ZNF407: variants seen among roughly 807,000 people sequenced by gnomAD.
ZNF407 encodes zinc finger protein 407.
ZNF407 carries 17 observed loss-of-function variants against 131.2 expected under a neutral mutation model. The ratio of observed to expected loss-of-function variants is 0.13; its 90% confidence interval spans 0.09 to 0.19. ZNF407 has a LOEUF of 0.19. Among genes scored for constraint, ZNF407 ranks in the 10% least tolerant of loss-of-function variants. ZNF407 has a pLI of 1.00. For missense variants in ZNF407, 2,681 were observed against 2,830.6 expected (o/e 0.95, Z 1.20); for synonymous variants, 1,156 against 1,062.0 (o/e 1.09, Z -1.72).
chr18:74,776,521 CTG>C (rs1466186008), intron 3 of ZNF407, among the ~76,000 whole-genome samples: 3 of 152,202 alleles, frequency 2.0e-5, no homozygotes, highest in African/African-American at 7.2e-5. Context: ...ACACACATGA[CTG>C]AGAAGTCTAC....
At chr18:74,875,828 A>G (rs912631442) in intron 4 of ZNF407, among the ~76,000 whole-genome samples, 14 of 152,200 alleles carry the variant, frequency 9.2e-5, no homozygotes, top group African/African-American at 3.4e-4. Flanking sequence ...ATATTAATGA[A>G]GCATTTAACT....
chr18:74,918,327 T>TCACCAGC (rs1449960521), intron 7 of ZNF407, among the ~76,000 whole-genome samples: 1 of 152,210 alleles, frequency 6.6e-6, no homozygotes, highest in African/African-American at 2.4e-5. Flanking sequence ...CCTTAACCAC[T>TCACCAGC]CACCAGCCAT....
At chr18:74,943,589 A>G (rs1972123867) in intron 8 of ZNF407, among the ~76,000 whole-genome samples, 1 of 152,230 alleles carries the variant, frequency 6.6e-6, no homozygotes, top group African/African-American at 2.4e-5. Flanking sequence ...TTGAATTTAC[A>G]TTATTAGTTG....
chr18:74,718,460 G>A (rs1188613457), intron 3 of ZNF407, among the ~76,000 whole-genome samples: 1 of 151,942 alleles, frequency 6.6e-6, no homozygotes, highest in Non-Finnish European at 1.5e-5. Flanking sequence ...GGAGTTCAAG[G>A]TTGCAGTGAG....
At chr18:74,669,114 G>A (rs556525625) in intron 3 of ZNF407, among the ~76,000 whole-genome samples, 82 of 152,166 alleles carry the variant, frequency 5.4e-4, no homozygotes, top group Middle Eastern at 3.4e-3. Context: ...GGTGGTTGGC[G>A]TCCTCATCCA....
rs486170 is a variant in ZNF407, at chr18:74,672,335, G to T, written c.4802+31213G>T. Among the ~76,000 whole-genome samples, 614 of 152,250 alleles carry T rather than the reference G, an allele frequency of 4.0e-3. 5 individuals are homozygous for T. Among genetic ancestry groups the T allele is most frequent in the African/African-American group, 0.014 (589 of 41,548 alleles). Reference sequence around the variant, plus strand: ...GAGCTTTTTTTTAACATGCTTGTTGGCTGCATGTACGTCTTCTCTTGAAAT... The same window carrying T: ...GAGCTTTTTTTTAACATGCTTGTTGTCTGCATGTACGTCTTCTCTTGAAAT... On this transcript the variant is annotated intron_variant, in intron 3 of 8. Transcript: ENST00000299687.
chr18:75,047,420 G>T (rs1256282313), intron 8 of ZNF407, among the ~76,000 whole-genome samples: 1 of 152,216 alleles, frequency 6.6e-6, no homozygotes, highest in Non-Finnish European at 1.5e-5. Flanking sequence ...TCTGCCTTCT[G>T]CCCTTCTGCG....
intron 4 of ZNF407, among the ~76,000 whole-genome samples, chr18:74,856,583 C>T (rs1177261156): frequency 6.6e-6 from 1 of 152,120 alleles, no homozygotes; most frequent in African/African-American, 2.4e-5. Flanking sequence ...GTTTTCTGTC[C>T]TCTGTAGCTG....
chr18:74,967,970 T>G (rs1211825622), intron 8 of ZNF407, among the ~76,000 whole-genome samples: 4 of 152,198 alleles, frequency 2.6e-5, no homozygotes, highest in Non-Finnish European at 5.9e-5. Context: ...TTCAATTGTC[T>G]ATGTTTTTTT....
At chr18:74,950,473 C>G (rs551828352) in intron 8 of ZNF407, among the ~76,000 whole-genome samples, 13 of 152,228 alleles carry the variant, frequency 8.5e-5, no homozygotes, top group African/African-American at 2.6e-4. Flanking sequence ...TTAGAAGTCT[C>G]ATTTATCAAG....
intron 4 of ZNF407, 67 bp from the exon 5 acceptor site, chr18:74,877,130 G>A (rs751520030): frequency 3.5e-5 from 51 of 1,471,836 alleles, no homozygotes; most frequent in Non-Finnish European, 4.6e-5. Context: ...TCGCACACGC[G>A]CTGCCTGGGG....
At chr18:74,621,802 C>G (rs1170025868) in intron 1 of ZNF407, among the ~76,000 whole-genome samples, 1 of 152,212 alleles carries the variant, frequency 6.6e-6, no homozygotes, top group East Asian at 1.9e-4. Context: ...CCACCGAAGG[C>G]ATTTTCCTGG....
At chr18:74,815,682 G>A (rs1229364142) in intron 4 of ZNF407, among the ~76,000 whole-genome samples, 1 of 152,098 alleles carries the variant, frequency 6.6e-6, no homozygotes, top group East Asian at 1.9e-4. Context: ...TAACTTGCCT[G>A]AGTTCAAAAA....
At chr18:75,042,924 C>T (rs1320318731) in intron 8 of ZNF407, among the ~76,000 whole-genome samples, 1 of 152,156 alleles carries the variant, frequency 6.6e-6, no homozygotes, top group Non-Finnish European at 1.5e-5. Context: ...ATGCGTGTAC[C>T]AGTATGTTTG....
chr18:74,713,215 G>T (rs1179019196), intron 3 of ZNF407, among the ~76,000 whole-genome samples: 1 of 152,024 alleles, frequency 6.6e-6, no homozygotes, highest in Non-Finnish European at 1.5e-5. Flanking sequence ...CACACCAGGG[G>T]TTTGGAATAA....
chr18:74,817,558 T>C lies in ZNF407; in HGVS notation c.4877+36056T>C, dbSNP rs555928418. Among the ~76,000 whole-genome samples the C allele has an allele frequency of 5.3e-5, 8 of 152,328 alleles. No individual in the cohort carries two copies. The South Asian group carries it at 1.5e-3, about 28-fold the overall frequency. ...ATTTTAGTTTATAAAATAAAAAATA[T>C]TAAGGAAAATTGTGCATTTCTTTAC... On this transcript the variant is annotated intron_variant, in intron 4 of 8. Transcript: ENST00000299687.
At chr18:74,754,661 G>A (rs574337104) in intron 3 of ZNF407, among the ~76,000 whole-genome samples, 10 of 152,268 alleles carry the variant, frequency 6.6e-5, no homozygotes, top group African/African-American at 1.2e-4. Flanking sequence ...GTGTGGTTTC[G>A]AGTGTGTTTC....
intron 1 of ZNF407, among the ~76,000 whole-genome samples, chr18:74,600,161 A>G (rs1484937043): frequency 6.6e-6 from 1 of 152,232 alleles, no homozygotes; most frequent in African/African-American, 2.4e-5. Flanking sequence ...TTGGTTGTCA[A>G]CCATGGCAAT....
At chr18:74,985,943 C>A (rs1478756065) in intron 8 of ZNF407, among the ~76,000 whole-genome samples, 1 of 152,186 alleles carries the variant, frequency 6.6e-6, no homozygotes, top group African/African-American at 2.4e-5. Flanking sequence ...CCTGATTGAA[C>A]TTCAGTTATA....
Sources: gnomAD v4.1 joint callset for allele counts (sites outside exome capture counted in the v4.1 genomes callset) on GRCh38, gnomAD v4.1.1 for gene constraint, MANE v1.5 for transcripts, NCBI Gene and HGNC (gene_info 2026-07-23, HGNC 2026-07-21) for gene names.